Variants in EXOC1 observed in about 807,000 individuals in gnomAD.
EXOC1 encodes exocyst complex component 1, also known as SEC3-like 1.
A neutral mutation model predicts 107.7 loss-of-function variants in EXOC1; 67 were observed. The observed-to-expected ratio is 0.62, with a 90% confidence interval of 0.51 to 0.76. The LOEUF (loss-of-function observed/expected upper bound fraction) is 0.76. EXOC1 is among the 30% of genes least tolerant of loss of function. The pLI is 0.00. For synonymous variants in EXOC1, 348 were observed against 353.5 expected (o/e 0.98, Z 0.17); for missense variants, 833 against 1,055.7 (o/e 0.79, Z 2.92).
At chr4:55,863,108 C>A (rs2110318637) in intron 3 of EXOC1, among the ~76,000 whole-genome samples, 1 of 152,186 alleles carries the variant, frequency 6.6e-6, no homozygotes, top group East Asian at 1.9e-4. Context: ...CCATGTTGCC[C>A]AGGCCAGTCT....
In EXOC1 at chr4:55,864,280, C is replaced by G; in HGVS notation, c.309C>G (p.Ser103Arg). The change falls in exon 4 of 19, where the codon AGC becomes AGG. Residue 103 changes from serine to arginine, a missense_variant. Around this residue, in one of 2 missense-constraint regions of EXOC1, gnomAD observed 617 missense variants for 701.3 expected, o/e 0.88. Coordinates refer to ENST00000381295, the MANE Select transcript of EXOC1 (RefSeq NM_001024924.2). Reference sequence around the variant, plus strand: ...AAAAAATATATAAATGGGTTGCCAGCAGCACTGCTGAAAAGAATGCATTTA... The same window carrying G: ...AAAAAATATATAAATGGGTTGCCAGGAGCACTGCTGAAAAGAATGCATTTA... The part of the protein sequence containing the change: ...HFEKIYKWVA[S>R]STAEKNAFIS... The G allele has an allele frequency of 6.2e-7, 1 of 1,606,148 alleles. No individual in the cohort carries two copies. Among genetic ancestry groups the G allele is most frequent in the Non-Finnish European group, 8.5e-7 (1 of 1,175,966 alleles).
chr4:55,894,745 C>T lies in EXOC1; in HGVS notation c.1953+965C>T, dbSNP rs1393700854. Among the ~76,000 whole-genome samples the T allele has an allele frequency of 4.6e-5, 7 of 151,614 alleles. No individual in the cohort carries two copies. In the East Asian group the frequency reaches 1.4e-3, roughly 30 times the overall value. On this transcript the variant is annotated intron_variant, in intron 15 of 18. Coordinates refer to ENST00000381295, the MANE Select transcript of EXOC1 (RefSeq NM_001024924.2). ...TCAAGTGATTCTCCTGCCTCAGCCTCCCGAGTAGCTGGGATTGCAGGCATG... is the reference window on the plus strand; with the variant it reads ...TCAAGTGATTCTCCTGCCTCAGCCTTCCGAGTAGCTGGGATTGCAGGCATG...
At chr4:55,858,664 A>G (rs187154150) in intron 2 of EXOC1, among the ~76,000 whole-genome samples, 3 of 152,292 alleles carry the variant, frequency 2.0e-5, no homozygotes, top group East Asian at 1.9e-4. Context: ...ATATTTCCCT[A>G]TAATGATGAG....
rs762044757 is a variant in EXOC1 at position 55,864,365 on chromosome 4, G to A, written c.394G>A (p.Val132Ile). The change falls in exon 4 of 19, where the codon GTT (valine) becomes ATT (isoleucine). Residue 132 changes from valine to isoleucine, a missense_variant. Val to Ile is a conservative substitution (Grantham distance 29, BLOSUM62 3). This residue lies in a region of EXOC1 where 617 missense variants were observed against 701.3 expected (regional missense o/e 0.88). Transcript: ENST00000381295. ...YLRKKIDFVN[V>I]SSQLLEESVP... ...CCGGAAGAAAATTGATTTTGTCAATGTTAGCTCACAGCTTTTGGAAGGTAA... is the reference window on the plus strand; with the variant it reads ...CCGGAAGAAAATTGATTTTGTCAATATTAGCTCACAGCTTTTGGAAGGTAA... The A allele has an allele frequency of 8.1e-6, 13 of 1,607,822 alleles. No homozygotes were observed. The South Asian group carries it at 1.5e-4, about 18-fold the overall frequency.
intron 5 of EXOC1, among the ~76,000 whole-genome samples, chr4:55,870,327 C>T (rs1279939890): frequency 1.3e-5 from 2 of 152,222 alleles, no homozygotes; most frequent in Non-Finnish European, 2.9e-5. Flanking sequence ...TGGCCTAATG[C>T]CTCCTAAATG....
intron 9 of EXOC1, among the ~76,000 whole-genome samples, chr4:55,881,727 C>T (rs1723397178): frequency 6.6e-6 from 1 of 152,102 alleles, no homozygotes; most frequent in Admixed American, 6.5e-5. Context: ...TCCAAAGGAG[C>T]CAATCAGATA....
chr4:55,863,932 CT>C (rs762375036), intron 3 of EXOC1, among the ~76,000 whole-genome samples: 1 of 152,184 alleles, frequency 6.6e-6, no homozygotes, highest in Non-Finnish European at 1.5e-5. Flanking sequence ...TGTCATCTTA[CT>C]GATGAGGAAG....
intron 9 of EXOC1, among the ~76,000 whole-genome samples, chr4:55,878,535 A>G (rs903894516): frequency 6.6e-6 from 1 of 152,236 alleles, no homozygotes; most frequent in Non-Finnish European, 1.5e-5. Flanking sequence ...AGAATCATAC[A>G]TAAAACAATC....
intron 10 of EXOC1, 102 bp from the exon 11 acceptor site, chr4:55,888,786 C>G: frequency 8.3e-7 from 1 of 1,206,422 alleles, no homozygotes; most frequent in Non-Finnish European, 1.2e-6. Context: ...TTGCATGTGT[C>G]TTTTAAACTA....
rs1354280752 is a variant in EXOC1, at chr4:55,870,625, G to GT, written c.604-47dup. ...TTTTACACATCTAAATAACAAGTATGTTTTTTGTTTGTTTGTTTGTTTGTT... is the reference window on the plus strand; with the variant it reads ...TTTTACACATCTAAATAACAAGTATGTTTTTTTGTTTGTTTGTTTGTTTGTT... On this transcript the variant is annotated intron_variant, in intron 5 of 18. Coordinates refer to ENST00000381295, the MANE Select transcript of EXOC1 (RefSeq NM_001024924.2). The GT allele has an allele frequency of 4.2e-6, 5 of 1,186,420 alleles. No homozygotes were observed. The East Asian group carries it at 7.4e-5, about 17-fold the overall frequency. 73.5% of individuals were successfully genotyped at this position (1,186,420 alleles called of 1,614,324 possible).
chr4:55,866,954 C>T lies in EXOC1; in HGVS notation c.416-1382C>T, dbSNP rs1014053655. On this transcript the variant is annotated intron_variant, in intron 4 of 18. Transcript: ENST00000381295. ...TTTATTAGTTGCCTTTGTTATATAC[C>T]GTTGGTTGTATGTTTTATGAAATGA... is the stretch of plus-strand genomic sequence containing the variant. 4.3e-5 allele frequency: 40 copies of T among 920,918 alleles called. No individual in the cohort carries two copies. In the African/African-American group the frequency reaches 4.8e-4, roughly 11 times the overall value. The allele number at this position is 920,918 out of a possible 1,614,324, so 57.0% of individuals were successfully genotyped here.
intron 15 of EXOC1, among the ~76,000 whole-genome samples, chr4:55,895,796 G>A (rs1210987304): frequency 6.8e-6 from 1 of 146,438 alleles, no homozygotes; most frequent in Non-Finnish European, 1.5e-5. Context: ...CAAGCAGTTT[G>A]TGGAACTAAG....
Position 55,904,724 on chromosome 4 carries a change from C to T in EXOC1, c.*229C>T, listed in dbSNP as rs1345632434. On this transcript the variant is annotated 3_prime_UTR_variant, in exon 19 of 19. Coordinates refer to ENST00000381295, the MANE Select transcript of EXOC1 (RefSeq NM_001024924.2). The stretch of plus-strand genomic sequence containing the variant: ...CATACTAACTTAAGCATTCATGTCA[C>T]CATAAAATGCCTTTAGCATTTCTCA... 5.7e-6 allele frequency: 2 copies of T among 348,400 alleles called. No individual in the cohort carries two copies. The highest frequency in any genetic ancestry group is 1.0e-5 in the Non-Finnish European group (2 of 197,088). The allele number at this position is 348,400 out of a possible 1,614,324, so 21.6% of individuals were successfully genotyped here.
intron 12 of EXOC1, 96 bp downstream of exon 12, chr4:55,890,482 C>G: frequency 1.0e-6 from 1 of 996,214 alleles, no homozygotes; most frequent in Non-Finnish European, 1.5e-6. Context: ...TTGGGTTCTT[C>G]TGGCTCTCTT....
chr4:55,894,998 G>T (rs1207462388), intron 15 of EXOC1, among the ~76,000 whole-genome samples: 8 of 151,964 alleles, frequency 5.3e-5, no homozygotes, highest in African/African-American at 9.7e-5. Context: ...ACTTCTCAAG[G>T]CATGGCACTA....
chr4:55,871,493 A>T (rs1022291948), intron 7 of EXOC1, among the ~76,000 whole-genome samples: 16 of 152,114 alleles, frequency 1.1e-4, no homozygotes, highest in Non-Finnish European at 2.2e-4. Context: ...ACCCAGCAGA[A>T]AGTAGGTGCT....
At chr4:55,860,083 T>C (rs1478726089) in intron 2 of EXOC1, among the ~76,000 whole-genome samples, 3 of 152,172 alleles carry the variant, frequency 2.0e-5, no homozygotes, top group Non-Finnish European at 2.9e-5. Context: ...CTCTTTGAAA[T>C]GGTATTTTGC....
chr4:55,895,344 C>A (rs1725078124), intron 15 of EXOC1, among the ~76,000 whole-genome samples: 1 of 152,114 alleles, frequency 6.6e-6, no homozygotes, highest in Non-Finnish European at 1.5e-5. Flanking sequence ...TTCCCCAGGT[C>A]CACAGTTAAA....
At chr4:55,900,426 T>C (rs1316860757) in intron 17 of EXOC1, 1 of 152,094 alleles carries the variant, frequency 6.6e-6, no homozygotes, top group Non-Finnish European at 1.5e-5. Flanking sequence ...TTTCCCTTCT[T>C]TTTTTTTCCT....
Sources: gnomAD v4.1 joint callset for allele counts (sites outside exome capture counted in the v4.1 genomes callset) on GRCh38, gnomAD v4.1.1 for gene constraint, gnomAD v4.1.1 regional missense constraint, MANE v1.5 for transcripts, NCBI Gene and HGNC (gene_info 2026-07-23, HGNC 2026-07-21) for gene names.